The following ANKS1B variants were observed in gnomAD, a reference collection of about 807,000 sequenced individuals.
ANKS1B encodes the protein ankyrin repeat and sterile alpha motif domain containing 1B.
In ANKS1B, 36 loss-of-function variants were observed where a neutral mutation model predicts 148.3. That is an observed-to-expected ratio of 0.24 (90% CI 0.19 to 0.32). ANKS1B has a LOEUF of 0.32. Among genes scored for constraint, ANKS1B ranks in the 10% least tolerant of loss-of-function variants. The pLI is 1.00. For synonymous variants in ANKS1B, 542 were observed against 560.8 expected (o/e 0.97, Z 0.47); for missense variants, 1,157 against 1,542.6 (o/e 0.75, Z 4.19).
intron 17 of ANKS1B, among the ~76,000 whole-genome samples, chr12:98,952,797 A>G (rs768697833): frequency 1.3e-5 from 2 of 152,072 alleles, no homozygotes; most frequent in Non-Finnish European, 2.9e-5. Flanking sequence ...TCCTTTCTCA[A>G]TCTACATTTT....
chr12:98,863,441 G>A (rs556903088), intron 17 of ANKS1B, among the ~76,000 whole-genome samples: 140 of 152,340 alleles, frequency 9.2e-4, no homozygotes, highest in African/African-American at 3.1e-3. Flanking sequence ...GGTGACCCAA[G>A]TGAGGCTTCT....
At chr12:99,093,557 C>A (rs2054832713) in intron 15 of ANKS1B, 1 of 152,182 alleles carries the variant, frequency 6.6e-6, no homozygotes, top group Admixed American at 6.5e-5. Flanking sequence ...CAGAGGATGT[C>A]TGGGGACAAG....
chr12:99,774,816 T>C lies in ANKS1B; in HGVS notation c.961+732A>G, dbSNP rs527420096. Among the ~76,000 whole-genome samples the C allele has an allele frequency of 4.0e-5, 5 of 124,828 alleles. 1 individual carries two copies. Among genetic ancestry groups the C allele is most frequent in the African/African-American group, 1.5e-4 (5 of 32,888 alleles). The allele number at this position is 124,828 out of a possible 152,430, so 81.9% of individuals were successfully genotyped here. On this transcript the variant is annotated intron_variant, in intron 7 of 26. Coordinates refer to ENST00000683438, the MANE Select transcript of ANKS1B (RefSeq NM_001352186.2). Reference sequence around the variant, plus strand: ...ACACTACACAAACAATGGACTATTATTCAGCCTTAAAAAAGGAGATCCTGC... The same window carrying C: ...ACACTACACAAACAATGGACTATTACTCAGCCTTAAAAAAGGAGATCCTGC...
intron 14 of ANKS1B, among the ~76,000 whole-genome samples, chr12:99,203,902 T>G (rs922175869): frequency 7.9e-5 from 12 of 152,210 alleles, no homozygotes; most frequent in African/African-American, 2.9e-4. Context: ...GTCTTATTAA[T>G]GTGATTTTGT....
intron 17 of ANKS1B, among the ~76,000 whole-genome samples, chr12:98,971,796 C>T (rs2099883358): frequency 6.6e-6 from 1 of 152,172 alleles, no homozygotes; most frequent in African/African-American, 2.4e-5. Flanking sequence ...GTGGGAGATC[C>T]AGCTGTTGTC....
chr12:98,884,092 G>A (rs971714475), intron 17 of ANKS1B, among the ~76,000 whole-genome samples: 3 of 152,250 alleles, frequency 2.0e-5, no homozygotes, highest in Admixed American at 2.0e-4. Flanking sequence ...ATAGTTATTT[G>A]TTTAAAATCA....
intron 8 of ANKS1B, among the ~76,000 whole-genome samples, chr12:99,723,544 C>T (rs1002991903): frequency 6.6e-6 from 1 of 152,176 alleles, no homozygotes; most frequent in African/African-American, 2.4e-5. Context: ...TGAGGACCAG[C>T]AGACTTAGCC....
chr12:99,142,232 G>C (rs191937488), intron 15 of ANKS1B, among the ~76,000 whole-genome samples: 2 of 151,900 alleles, frequency 1.3e-5, no homozygotes, highest in Admixed American at 1.3e-4. Context: ...AAAAAAAAAA[G>C]TGGTCAGAAT....
At chr12:98,930,404 C>G (rs1220636637) in intron 17 of ANKS1B, among the ~76,000 whole-genome samples, 1 of 152,036 alleles carries the variant, frequency 6.6e-6, no homozygotes, top group East Asian at 1.9e-4. Flanking sequence ...TTTAGAGTTA[C>G]CATATGATCC....
At chr12:99,329,810 G>T (rs1353357657) in intron 12 of ANKS1B, among the ~76,000 whole-genome samples, 1 of 151,680 alleles carries the variant, frequency 6.6e-6, no homozygotes, top group Non-Finnish European at 1.5e-5. Flanking sequence ...ATTTCTACCA[G>T]CTGTTTATAT....
At chr12:99,124,164 T>C (rs2063667283) in intron 15 of ANKS1B, among the ~76,000 whole-genome samples, 1 of 152,152 alleles carries the variant, frequency 6.6e-6, no homozygotes, top group Admixed American at 6.5e-5. Flanking sequence ...AGACTCTACG[T>C]AGGGGCTCAA....
intron 22 of ANKS1B, chr12:98,795,706 C>A: frequency 2.3e-6 from 1 of 442,556 alleles, no homozygotes. Flanking sequence ...AAAAACAAAA[C>A]CCAGGGCAAT....
chr12:98,973,341 A>G (rs1478475189), intron 17 of ANKS1B, among the ~76,000 whole-genome samples: 2 of 152,182 alleles, frequency 1.3e-5, no homozygotes, highest in African/African-American at 4.8e-5. Flanking sequence ...GAATACCCAT[A>G]AACATTATGT....
intron 17 of ANKS1B, among the ~76,000 whole-genome samples, chr12:98,964,358 G>C (rs1253544545): frequency 6.6e-6 from 1 of 152,172 alleles, no homozygotes; most frequent in Non-Finnish European, 1.5e-5. Context: ...GGGAATGTAA[G>C]TTGGTACAAC....
intron 17 of ANKS1B, among the ~76,000 whole-genome samples, chr12:98,974,252 G>A (rs2099887903): frequency 6.6e-6 from 1 of 152,284 alleles, no homozygotes; most frequent in Non-Finnish European, 1.5e-5. Flanking sequence ...ATCAGAATGA[G>A]TAAGAGTTAA....
chr12:99,790,536 A>C (rs1221575953), intron 4 of ANKS1B, among the ~76,000 whole-genome samples: 1 of 152,178 alleles, frequency 6.6e-6, no homozygotes, highest in Non-Finnish European at 1.5e-5. Context: ...ACCAAAAAAT[A>C]ATGACTACAA....
intron 12 of ANKS1B, among the ~76,000 whole-genome samples, chr12:99,323,619 T>C (rs2085741550): frequency 6.6e-6 from 1 of 152,256 alleles, no homozygotes. Context: ...CTTGCCTTAT[T>C]TGTCACATTT....
intron 14 of ANKS1B, chr12:99,155,142 A>C: frequency 6.8e-7 from 1 of 1,480,630 alleles, no homozygotes; most frequent in Admixed American, 2.3e-5. Flanking sequence ...GGAAATGCGA[A>C]GCTTGAACTA....
chr12:99,150,734 AT>A (rs1433693225), intron 15 of ANKS1B, among the ~76,000 whole-genome samples: 11 of 152,112 alleles, frequency 7.2e-5, no homozygotes, highest in Admixed American at 2.6e-4. Flanking sequence ...GTGAAAAAAA[AT>A]GTCGAAACTT....
Sources: gnomAD v4.1 joint callset for allele counts (sites outside exome capture counted in the v4.1 genomes callset) on GRCh38, gnomAD v4.1.1 for gene constraint, MANE v1.5 for transcripts, NCBI Gene and HGNC (gene_info 2026-07-23, HGNC 2026-07-21) for gene names.